The following SAE1 variants were observed in gnomAD, a reference collection of about 807,000 sequenced individuals.
The protein encoded by SAE1 is SUMO1 activating enzyme subunit 1.
SAE1 carries 11 observed loss-of-function variants against 40.6 expected under a neutral mutation model. The ratio of observed to expected loss-of-function variants is 0.27; its 90% CI spans 0.17 to 0.45. The LOEUF is 0.45. Among genes scored for constraint, SAE1 ranks in the 20% least tolerant of loss-of-function variants. The probability of loss-of-function intolerance (pLI) is 1.00; values close to 1 mark genes in which losing one functional copy is unlikely to be tolerated. For missense variants in SAE1, 373 were observed against 427.3 expected, an observed-to-expected ratio of 0.87 and a Z score of 1.12; for synonymous variants, 155 against 154.3, an observed-to-expected ratio of 1.00 and a Z score of -0.03.
rs533098002 is a variant in SAE1 at position 47,151,596 on chromosome 19, G to A, written c.384+1221G>A. On this transcript the variant is annotated intron_variant, in intron 3 of 8. Coordinates refer to ENST00000270225, the MANE Select transcript of SAE1 (RefSeq NM_005500.3). ...AAGCAGTTTTCTGCCTCAGCCTCCCGTTTTTACACTTTTCTATTTCATATG... is the reference window on the plus strand; with the variant it reads ...AAGCAGTTTTCTGCCTCAGCCTCCCATTTTTACACTTTTCTATTTCATATG... Among the ~76,000 whole-genome samples the A allele has an allele frequency of 7.2e-5, 11 of 152,174 alleles. No individual in the cohort carries two copies. In the East Asian group the frequency reaches 9.6e-4, roughly 13 times the overall value.
At chr19:47,204,507 C>CA (rs895988815) in intron 8 of SAE1, among the ~76,000 whole-genome samples, 5 of 139,738 alleles carry the variant, frequency 3.6e-5, no homozygotes, top group Middle Eastern at 3.5e-3. Flanking sequence ...CGCACCCCCC[C>CA]CCTTTTTTTT....
chr19:47,136,372 A>C (rs1380249123), intron 1 of SAE1, among the ~76,000 whole-genome samples: 1 of 152,004 alleles, frequency 6.6e-6, no homozygotes, highest in Non-Finnish European at 1.5e-5. Flanking sequence ...TCCTGGCTTC[A>C]GGTGATTGGC....
At chr19:47,197,157 G>A (rs2058621133) in intron 6 of SAE1, 76 bp from the exon 7 acceptor site, 2 of 1,458,400 alleles carry the variant, frequency 1.4e-6, no homozygotes, top group Non-Finnish European at 1.8e-6. Flanking sequence ...CTCCAGCCTG[G>A]GCGACAGTGT....
intron 6 of SAE1, among the ~76,000 whole-genome samples, chr19:47,196,287 G>T (rs1019140050): frequency 5.9e-5 from 8 of 136,734 alleles, no homozygotes; most frequent in Admixed American, 4.6e-4. Context: ...CTCCCACCTC[G>T]GCCTCCCAAA....
intron 6 of SAE1, among the ~76,000 whole-genome samples, chr19:47,191,665 A>G (rs751613): frequency 0.16 from 24,714 of 152,082 alleles, 2,196 homozygotes; most frequent in East Asian, 0.36. Context: ...TGTTACTGGG[A>G]CACAAGCACC....
At chr19:47,167,847 G>A (rs1483309888) in intron 5 of SAE1, among the ~76,000 whole-genome samples, 2 of 152,112 alleles carry the variant, frequency 1.3e-5, no homozygotes, top group East Asian at 3.8e-4. Flanking sequence ...ATCTAACAGT[G>A]TTCCCCCAGC....
chr19:47,143,108 GA>G (rs1387686827), intron 1 of SAE1, among the ~76,000 whole-genome samples: 1 of 151,604 alleles, frequency 6.6e-6, no homozygotes. Context: ...GAACCAAAAT[GA>G]TTTTTTTTTT....
chr19:47,143,262 C>T lies in SAE1; in HGVS notation c.99-232C>T, dbSNP rs138478703. Among the ~76,000 whole-genome samples the T allele has an allele frequency of 2.4e-3, 369 of 152,200 alleles. 1 individual carries two copies. The highest frequency in any genetic ancestry group is 7.7e-3 in the African/African-American group (320 of 41,534). ...CTGAGATTACAGGCGCCTGCCACTA[C>T]GCCCAGCTAGTTTTTGTATTTTAGT... On this transcript the variant is annotated intron_variant, in intron 1 of 8. Coordinates refer to ENST00000270225, the MANE Select transcript of SAE1 (RefSeq NM_005500.3).
Position 47,152,997 on chromosome 19 carries a change from C to T in SAE1, c.484C>T (p.His162Tyr). 1.2e-6 allele frequency: 2 copies of T among 1,613,350 alleles called. No individual in the cohort carries two copies. The highest frequency in any genetic ancestry group is 1.3e-5 in the African/African-American group (1 of 74,958). ...CTTTACAGGAGATGTTTTTGGCTAC[C>T]ATGGATACACATTTGCCAATCTAGG... Reference protein sequence around the residue: ...KFFTGDVFGYHGYTFANLGEH... With the variant: ...KFFTGDVFGYYGYTFANLGEH... Residue 162 changes from histidine (H) to tyrosine (Y), a missense_variant, in exon 4 of 9, where the codon CAT (histidine) becomes TAT (tyrosine). Transcript: ENST00000270225.
chr19:47,132,201 G>C (rs971184648), intron 1 of SAE1, among the ~76,000 whole-genome samples: 1 of 151,356 alleles, frequency 6.6e-6, no homozygotes, highest in Non-Finnish European at 1.5e-5. Flanking sequence ...GACCTCAAGT[G>C]ATCTGCCCGC....
chr19:47,143,395 G>A (rs765078949), intron 1 of SAE1, 99 bp from the exon 2 acceptor site: 29 of 913,428 alleles, frequency 3.2e-5, no homozygotes, highest in South Asian at 5.6e-5. Context: ...ATGAGCCACC[G>A]TGCCTGGCAA....
intron 5 of SAE1, among the ~76,000 whole-genome samples, chr19:47,162,217 A>G (rs1018403660): frequency 1.3e-5 from 2 of 152,102 alleles, no homozygotes; most frequent in African/African-American, 4.8e-5. Flanking sequence ...TAAATACATT[A>G]CTATTTTATA....
At chr19:47,155,865 C>G (rs2058320848) in intron 5 of SAE1, among the ~76,000 whole-genome samples, 1 of 150,488 alleles carries the variant, frequency 6.6e-6, no homozygotes, top group African/African-American at 2.5e-5. Flanking sequence ...CTCAGCCTCC[C>G]AAGTAGCTGG....
intron 3 of SAE1, among the ~76,000 whole-genome samples, chr19:47,151,757 A>G (rs1246853035): frequency 2.6e-5 from 4 of 152,130 alleles, no homozygotes; most frequent in Non-Finnish European, 4.4e-5. Context: ...TCATTTTCTT[A>G]TCTGTAGTAA....
At chr19:47,194,933 C>G (rs2058604160) in intron 6 of SAE1, among the ~76,000 whole-genome samples, 1 of 151,086 alleles carries the variant, frequency 6.6e-6, no homozygotes, top group Non-Finnish European at 1.5e-5. Context: ...TTAGTAGAGA[C>G]GGGGTTTCAC....
chr19:47,139,013 G>GCCAA (rs1403632228), intron 1 of SAE1, among the ~76,000 whole-genome samples: 1 of 152,168 alleles, frequency 6.6e-6, no homozygotes, highest in East Asian at 1.9e-4. Context: ...AAGCACTAAT[G>GCCAA]CCAAGGTCCT....
chr19:47,199,121 T>C (rs543980639), intron 7 of SAE1, among the ~76,000 whole-genome samples: 4 of 151,210 alleles, frequency 2.6e-5, no homozygotes, highest in East Asian at 2.0e-4. Flanking sequence ...GCGCGGTGGC[T>C]CACGCCTGTA....
chr19:47,180,028 A>C, intron 6 of SAE1: 1 of 372,666 alleles, frequency 2.7e-6, no homozygotes, highest in South Asian at 2.0e-5. Flanking sequence ...AGAAGGAGCC[A>C]TGTGGTATTG....
At chr19:47,147,204 T>G (rs1036632010) in intron 2 of SAE1, among the ~76,000 whole-genome samples, 2 of 130,938 alleles carry the variant, frequency 1.5e-5, no homozygotes, top group South Asian at 2.6e-4. Flanking sequence ...TATGGGTTTT[T>G]TTTTTTTTTT....
Sources: allele counts gnomAD v4.1 joint callset (sites outside exome capture counted in the v4.1 genomes callset), GRCh38; gene constraint gnomAD v4.1.1; transcripts MANE v1.5; gene names NCBI Gene and HGNC (gene_info 2026-07-23, HGNC 2026-07-21).